AOPEP: variants seen among roughly 807,000 people sequenced by gnomAD.
AOPEP encodes aminopeptidase O (putative).
A neutral mutation model predicts 98.1 loss-of-function variants in AOPEP; 77 were observed. The observed-to-expected ratio is 0.78, with a 90% confidence interval of 0.65 to 0.95. AOPEP has a LOEUF of 0.95. Ranked by LOEUF, AOPEP falls within the 40% of genes least tolerant of loss-of-function variation. AOPEP has a pLI of 0.00. For synonymous variants in AOPEP, 346 were observed against 365.3 expected, an observed-to-expected ratio of 0.95 and a Z score of 0.60; for missense variants, 1,024 against 1,024.7, an observed-to-expected ratio of 1.00 and a Z score of 0.01.
At chr9:94,807,618 G>A (rs905118427) in intron 5 of AOPEP, among the ~76,000 whole-genome samples, 51 of 152,140 alleles carry the variant, frequency 3.4e-4, no homozygotes, top group African/African-American at 1.1e-3. Flanking sequence ...CTTTACCGAA[G>A]CATCATTACT....
At chr9:94,967,043 G>A (rs1481601304) in intron 9 of AOPEP, among the ~76,000 whole-genome samples, 1 of 152,136 alleles carries the variant, frequency 6.6e-6, no homozygotes, top group Non-Finnish European at 1.5e-5. Context: ...TGGATAGGGC[G>A]GGATGGGCTG....
intron 13 of AOPEP, 104 bp from the exon 14 acceptor site, chr9:95,060,590 A>G: frequency 1.3e-6 from 1 of 776,930 alleles, no homozygotes; most frequent in Admixed American, 1.8e-5. Context: ...ATATGCTGAA[A>G]GCACCCAGGT....
chr9:95,028,354 G>T lies in AOPEP; in HGVS notation c.2115+22738G>T, dbSNP rs527817172. ...GCTTTGTGATCGGGGTGCTTTGGCC[G>T]TGGGTGTATGGAGTCCAGGCGCACT... On this transcript the variant is annotated intron_variant, in intron 13 of 16. Coordinates refer to ENST00000375315, the MANE Select transcript of AOPEP (RefSeq NM_001193329.3). Among the ~76,000 whole-genome samples the T allele has an allele frequency of 2.0e-5, 3 of 152,340 alleles. No homozygotes were observed. The South Asian group carries it at 6.2e-4, about 32-fold the overall frequency.
At chr9:94,762,903 A>T (rs571503244) in intron 2 of AOPEP, among the ~76,000 whole-genome samples, 2 of 152,360 alleles carry the variant, frequency 1.3e-5, no homozygotes, top group South Asian at 2.1e-4. Flanking sequence ...AATTATCAGG[A>T]TCACAATACT....
the AOPEP span, among the ~76,000 whole-genome samples, chr9:95,143,554 G>T: frequency 6.6e-6 from 1 of 152,156 alleles, no homozygotes; most frequent in Non-Finnish European, 1.5e-5. Context: ...AAGGGTTTTA[G>T]GAGCCTGGAT....
intron 1 of AOPEP, among the ~76,000 whole-genome samples, chr9:94,743,547 T>TGTTA (rs1833754274): frequency 6.6e-6 from 1 of 151,948 alleles, no homozygotes; most frequent in African/African-American, 2.4e-5. Context: ...ACAACTAGAG[T>TGTTA]GTTAGCTATT....
chr9:95,122,585 G>A, the AOPEP span, among the ~76,000 whole-genome samples: 15 of 152,300 alleles, frequency 9.8e-5, no homozygotes, highest in African/African-American at 2.9e-4. Flanking sequence ...GTGGTCCCAC[G>A]TCCTTAGATA....
chr9:95,108,789 T>C, the AOPEP span, among the ~76,000 whole-genome samples: 2 of 152,240 alleles, frequency 1.3e-5, no homozygotes, highest in South Asian at 2.1e-4. Flanking sequence ...CTTGTCTTTT[T>C]TCTACGCACT....
chr9:95,077,793 CCCCACTCCCTGTGGTGACGAAT>C (rs1483339379), intron 14 of AOPEP, among the ~76,000 whole-genome samples: 1 of 152,164 alleles, frequency 6.6e-6, no homozygotes, highest in Non-Finnish European at 1.5e-5. Flanking sequence ...CTGATGTCAT[CCCCACTCCCTGTGGTGACGAAT>C]GGCATGCGAA....
chr9:94,899,809 TAC>T (rs1235378542), intron 5 of AOPEP, among the ~76,000 whole-genome samples: 3 of 152,012 alleles, frequency 2.0e-5, no homozygotes, highest in African/African-American at 7.3e-5. Context: ...TGGAACAAAG[TAC>T]AGACAACCCT....
intron 5 of AOPEP, among the ~76,000 whole-genome samples, chr9:94,822,695 A>G (rs530868426): frequency 6.6e-6 from 1 of 152,318 alleles, no homozygotes; most frequent in East Asian, 1.9e-4. Flanking sequence ...AACCAGACAC[A>G]ACAAGCTGGA....
intron 16 of AOPEP, chr9:95,085,446 C>T (rs759106107): frequency 1.9e-6 from 1 of 533,108 alleles, no homozygotes; most frequent in Admixed American, 1.9e-5. Flanking sequence ...CCAGCGATGA[C>T]CTCTCTAACA....
At chr9:94,878,917 G>A (rs1414111912) in intron 5 of AOPEP, among the ~76,000 whole-genome samples, 1 of 152,216 alleles carries the variant, frequency 6.6e-6, no homozygotes. Context: ...TGGGAGACCG[G>A]AGTTTTATTA....
intron 3 of AOPEP, among the ~76,000 whole-genome samples, chr9:94,786,670 A>T (rs356139): frequency 6.6e-6 from 1 of 152,200 alleles, no homozygotes; most frequent in East Asian, 1.9e-4. Context: ...TCAAATGAGG[A>T]TACTAGAAAC....
chr9:95,141,404 G>A, the AOPEP span, among the ~76,000 whole-genome samples: 61 of 144,518 alleles, frequency 4.2e-4, no homozygotes, highest in Admixed American at 1.3e-3. Flanking sequence ...GGGAGTTTTA[G>A]TTACTGCTAA....
At chr9:94,805,939 A>G (rs1228459034) in intron 5 of AOPEP, among the ~76,000 whole-genome samples, 1 of 152,228 alleles carries the variant, frequency 6.6e-6, no homozygotes, top group Non-Finnish European at 1.5e-5. Context: ...TGGGGAAGGA[A>G]GCAGTCATAA....
At chr9:94,820,935 A>G (rs911197946) in intron 5 of AOPEP, among the ~76,000 whole-genome samples, 2 of 152,202 alleles carry the variant, frequency 1.3e-5, no homozygotes, top group African/African-American at 4.8e-5. Flanking sequence ...TGTTTAATAA[A>G]CCAAGTGGAA....
intron 5 of AOPEP, among the ~76,000 whole-genome samples, chr9:94,819,262 TTG>T (rs1460683433): frequency 6.6e-6 from 1 of 152,192 alleles, no homozygotes; most frequent in African/African-American, 2.4e-5. Flanking sequence ...ATTATCTGAC[TTG>T]TGTCTGAAAG....
chr9:94,963,699 T>G (rs2059002438), intron 9 of AOPEP, among the ~76,000 whole-genome samples: 1 of 152,174 alleles, frequency 6.6e-6, no homozygotes, highest in African/African-American at 2.4e-5. Context: ...CTAGCTAACT[T>G]TGTCAAATTT....
Sources: allele counts gnomAD v4.1 joint callset (sites outside exome capture counted in the v4.1 genomes callset), GRCh38; gene constraint gnomAD v4.1.1; transcripts MANE v1.5; gene names NCBI Gene and HGNC (gene_info 2026-07-23, HGNC 2026-07-21).